The following SIRPG variants were observed in gnomAD, a reference collection of about 807,000 sequenced individuals.
SIRPG encodes the protein signal-regulatory protein gamma.
A neutral mutation model predicts 35.7 loss-of-function variants in SIRPG; 38 were observed. That is an observed-to-expected ratio of 1.06 (90% CI 0.82 to 1.40). The LOEUF (loss-of-function observed/expected upper bound fraction) is 1.40, where lower values mean the gene tolerates loss of function less well. Ranked by LOEUF, SIRPG falls within the 40% of genes most tolerant of loss-of-function variation. SIRPG has a pLI of 0.00. For missense variants in SIRPG, 519 were observed against 483.0 expected (o/e 1.07, Z -0.70); for synonymous variants, 215 against 190.4 (o/e 1.13, Z -1.06).
intron 1 of SIRPG, among the ~76,000 whole-genome samples, chr20:1,653,299 A>G (rs1223606517): frequency 1.3e-5 from 2 of 152,234 alleles, no homozygotes; most frequent in African/African-American, 4.8e-5. Flanking sequence ...CTGTTTTCTT[A>G]TCTGTTAGGA....
upstream of SIRPG, among the ~76,000 whole-genome samples, chr20:1,662,394 A>G (rs2091998464): frequency 6.6e-6 from 1 of 152,184 alleles, no homozygotes; most frequent in South Asian, 2.1e-4. Context: ...TAGGAGAAAT[A>G]TTCACTTGTG....
the SIRPG span, among the ~76,000 whole-genome samples, chr20:1,682,162 T>A: frequency 6.6e-6 from 1 of 152,134 alleles, no homozygotes; most frequent in Non-Finnish European, 1.5e-5. Flanking sequence ...ATTGGGGGAC[T>A]TTGAGGGGTA....
At chr20:1,642,018 G>T (rs776920580) in intron 2 of SIRPG, among the ~76,000 whole-genome samples, 17 of 152,180 alleles carry the variant, frequency 1.1e-4, no homozygotes, top group Non-Finnish European at 2.2e-4. Context: ...CCAATTATGT[G>T]GTTGATTTTA....
chr20:1,657,548 A>G, intron 1 of SIRPG, 94 bp downstream of exon 1: 3 of 1,217,696 alleles, frequency 2.5e-6, no homozygotes, highest in Non-Finnish European at 3.7e-6. Flanking sequence ...CTTCCTTGGC[A>G]GTGCTTGTGC....
chr20:1,684,321 C>T, the SIRPG span, among the ~76,000 whole-genome samples: 1 of 152,038 alleles, frequency 6.6e-6, no homozygotes, highest in South Asian at 2.1e-4. Context: ...TTTTCTGAGA[C>T]ATTTCATTGC....
chr20:1,643,226 C>CT (rs1307483721), intron 2 of SIRPG, among the ~76,000 whole-genome samples: 1 of 152,166 alleles, frequency 6.6e-6, no homozygotes, highest in South Asian at 2.1e-4. Flanking sequence ...TAGCTGTGAT[C>CT]TTTTTACATA....
the SIRPG span, chr20:1,669,820 T>C: frequency 2.6e-5 from 4 of 152,364 alleles, no homozygotes; most frequent in Admixed American, 2.0e-4. Flanking sequence ...ATCTACTCTA[T>C]GTTTATAGAT....
At chr20:1,649,450 A>G (rs778396958) in intron 1 of SIRPG, 42 bp from the exon 2 acceptor site, 3 of 1,517,222 alleles carry the variant, frequency 2.0e-6, no homozygotes, top group Non-Finnish European at 2.7e-6. Flanking sequence ...ATCCTTACAT[A>G]ATCCTGTATT....
At chr20:1,647,367 G>A (rs1474527290) in intron 2 of SIRPG, 1 of 152,360 alleles carries the variant, frequency 6.6e-6, no homozygotes, top group Non-Finnish European at 1.5e-5. Flanking sequence ...GTGACTGCCT[G>A]GGCTGGGGAG....
chr20:1,651,036 G>A (rs1367881763), intron 1 of SIRPG, among the ~76,000 whole-genome samples: 1 of 152,152 alleles, frequency 6.6e-6, no homozygotes, highest in Non-Finnish European at 1.5e-5. Flanking sequence ...AAACACAAGG[G>A]AGAAATTAAG....
At chr20:1,673,700 C>A in the SIRPG span, among the ~76,000 whole-genome samples, 2 of 152,110 alleles carry the variant, frequency 1.3e-5, no homozygotes, top group Non-Finnish European at 2.9e-5. Flanking sequence ...ACAAGTTTGG[C>A]AAATTGGCTT....
At chr20:1,631,440 G>C (rs532101486) in intron 4 of SIRPG, among the ~76,000 whole-genome samples, 1 of 152,278 alleles carries the variant, frequency 6.6e-6, no homozygotes, top group African/African-American at 2.4e-5. Flanking sequence ...CTCAGCCCTT[G>C]GGATCCTCCG....
At chr20:1,684,081 T>A in the SIRPG span, among the ~76,000 whole-genome samples, 4 of 152,126 alleles carry the variant, frequency 2.6e-5, no homozygotes, top group South Asian at 8.3e-4. Context: ...ATAAGAGAAA[T>A]AAGTTTAAGA....
At position 1,636,250 on chromosome 20, in the gene SIRPG, G is replaced by A; in HGVS notation, c.686C>T (p.Ala229Val). The change falls in exon 3 of 6, where the codon GCC becomes GTC. Residue 229 changes from alanine (A) to valine (V), a missense_variant. Physicochemically the swap from Ala to Val is moderately conservative, Grantham distance 64. Coordinates refer to ENST00000303415, the MANE Select transcript of SIRPG (RefSeq NM_018556.4). ...DVRSQVICEV[A>V]HVTLQGDPLR... ...AGGGTCCCCCTGCAAGGTGACATGGGCCACCTCGCAGATGACCTGAGAGCG... is the reference window on the plus strand; with the variant it reads ...AGGGTCCCCCTGCAAGGTGACATGGACCACCTCGCAGATGACCTGAGAGCG... 1 of 1,614,232 alleles carries A rather than the reference G, an allele frequency of 6.2e-7. No homozygotes were observed. The highest frequency in any genetic ancestry group is 2.2e-5 in the East Asian group (1 of 44,876).
chr20:1,652,959 C>G (rs2091950812), intron 1 of SIRPG, among the ~76,000 whole-genome samples: 1 of 152,154 alleles, frequency 6.6e-6, no homozygotes, highest in Non-Finnish European at 1.5e-5. Flanking sequence ...GGACATTTCC[C>G]TCGAAGACTG....
the SIRPG span, among the ~76,000 whole-genome samples, chr20:1,680,351 G>C: frequency 3.9e-5 from 6 of 152,220 alleles, no homozygotes; most frequent in East Asian, 1.2e-3. Flanking sequence ...CCCTGGTCTG[G>C]AGTACAGTTC....
At chr20:1,671,457 TC>T in the SIRPG span, among the ~76,000 whole-genome samples, 6 of 152,166 alleles carry the variant, frequency 3.9e-5, no homozygotes, top group African/African-American at 1.4e-4. Context: ...CTGATTGGTC[TC>T]CCTCTGTGTA....
At chr20:1,648,842 T>G (rs1349437529) in intron 2 of SIRPG, among the ~76,000 whole-genome samples, 3 of 152,002 alleles carry the variant, frequency 2.0e-5, no homozygotes, top group African/African-American at 7.3e-5. Context: ...GAAGATGTAG[T>G]CTCTCCCATC....
intron 4 of SIRPG, 50 bp downstream of exon 4, chr20:1,635,217 T>TTTAAAGTGTC: frequency 6.9e-7 from 1 of 1,459,608 alleles, no homozygotes; most frequent in East Asian, 2.3e-5. Flanking sequence ...TGGATATTAC[T>TTTAAAGTGTC]TTTAAAATGA....
Sources: allele counts gnomAD v4.1 joint callset (sites outside exome capture counted in the v4.1 genomes callset), GRCh38; gene constraint gnomAD v4.1.1; transcripts MANE v1.5; gene names NCBI Gene and HGNC (gene_info 2026-07-23, HGNC 2026-07-21).